The following DOCK1 variants were observed in gnomAD, a reference collection of about 807,000 sequenced individuals.
The protein encoded by DOCK1 is dedicator of cytokinesis 1, also known as dedicator of cytokinesis protein 1.
In DOCK1, 138 loss-of-function variants were observed where a neutral mutation model predicts 262.7. The ratio of observed to expected loss-of-function variants is 0.53; its 90% CI spans 0.46 to 0.61. DOCK1 has a LOEUF of 0.61. DOCK1 is among the 20% of genes least tolerant of loss of function. The pLI is 0.00. For missense variants in DOCK1, 1,908 were observed against 2,370.7 expected, an observed-to-expected ratio of 0.80 and a Z score of 4.05; for synonymous variants, 866 against 867.4, an observed-to-expected ratio of 1.00 and a Z score of 0.03.
rs1424927296 is a variant in DOCK1 at position 126,940,446 on chromosome 10, C to G, written c.47-30256C>G. On this transcript the variant is annotated intron_variant, in intron 1 of 51. Transcript: ENST00000623213. ...TTGTGGAGACAGGGTCTCTGTCACCCAGGCTGGAGTGTAGTGGTATAATCT... is the reference window on the plus strand; with the variant it reads ...TTGTGGAGACAGGGTCTCTGTCACCGAGGCTGGAGTGTAGTGGTATAATCT... 7.2e-5 allele frequency among the ~76,000 whole-genome samples: 11 copies of G among 152,278 alleles called. No homozygotes were observed. The East Asian group carries it at 1.9e-3, about 27-fold the overall frequency.
chr10:127,125,725 C>T (rs887431054), intron 26 of DOCK1, 124 bp downstream of exon 26: 20 of 1,377,932 alleles, frequency 1.5e-5, no homozygotes, highest in Non-Finnish European at 1.9e-5. Context: ...CTCTTTTTGT[C>T]TCGGTAGAGT....
chr10:126,919,399 C>A (rs1467742520), intron 1 of DOCK1, among the ~76,000 whole-genome samples: 1 of 152,124 alleles, frequency 6.6e-6, no homozygotes, highest in African/African-American at 2.4e-5. Context: ...TTTTCAAGTC[C>A]TCCTAACGTC....
At chr10:127,133,566 T>G (rs925415100) in intron 27 of DOCK1, among the ~76,000 whole-genome samples, 2 of 152,202 alleles carry the variant, frequency 1.3e-5, no homozygotes, top group Admixed American at 6.5e-5. Flanking sequence ...TAGGTTTGTT[T>G]TCATATTCCT....
chr10:127,028,076 T>C (rs530894188), intron 16 of DOCK1, among the ~76,000 whole-genome samples: 1 of 50,474 alleles, frequency 2.0e-5, no homozygotes, highest in Non-Finnish European at 3.9e-5. Flanking sequence ...GTGCGGGGGG[T>C]GGGTGGTGGC....
intron 12 of DOCK1, among the ~76,000 whole-genome samples, chr10:127,017,498 GAGACACACAC>G (rs2042077677): frequency 9.0e-6 from 1 of 110,794 alleles, no homozygotes; most frequent in Non-Finnish European, 1.9e-5. Flanking sequence ...CAGATACACA[GAGACACACAC>G]AGACACACAC....
intron 27 of DOCK1, among the ~76,000 whole-genome samples, chr10:127,131,646 T>C (rs1020319971): frequency 6.9e-6 from 1 of 144,008 alleles, no homozygotes. Context: ...TTGCATCAAA[T>C]GTAGATTTGT....
At chr10:127,074,137 T>A (rs1469483402) in intron 23 of DOCK1, among the ~76,000 whole-genome samples, 1 of 152,252 alleles carries the variant, frequency 6.6e-6, no homozygotes, top group East Asian at 1.9e-4. Flanking sequence ...AAAATTTCAT[T>A]AAAATTGTTT....
intron 27 of DOCK1, among the ~76,000 whole-genome samples, chr10:127,237,344 G>T (rs2059109108): frequency 8.2e-6 from 1 of 121,416 alleles, no homozygotes; most frequent in Non-Finnish European, 1.7e-5. Flanking sequence ...TGGGTAACAA[G>T]AGCAAAACTC....
intron 24 of DOCK1, among the ~76,000 whole-genome samples, chr10:127,107,099 G>C (rs1157847741): frequency 1.3e-5 from 2 of 152,150 alleles, no homozygotes; most frequent in East Asian, 1.9e-4. Flanking sequence ...TGGAATTACC[G>C]ACGTGCGCCA....
At chr10:126,946,859 G>A (rs1342716918) in intron 1 of DOCK1, among the ~76,000 whole-genome samples, 2 of 152,206 alleles carry the variant, frequency 1.3e-5, no homozygotes, top group Non-Finnish European at 2.9e-5. Flanking sequence ...TGACTGTTGT[G>A]AACAACTTGT....
chr10:127,218,784 T>C (rs975819056), intron 27 of DOCK1, among the ~76,000 whole-genome samples: 41 of 152,198 alleles, frequency 2.7e-4, no homozygotes, highest in Admixed American at 2.6e-3. Flanking sequence ...ACTGGTCATT[T>C]ATAAAGAACA....
At chr10:127,172,467 T>C (rs1188480379) in intron 27 of DOCK1, among the ~76,000 whole-genome samples, 1 of 152,184 alleles carries the variant, frequency 6.6e-6, no homozygotes, top group Non-Finnish European at 1.5e-5. Flanking sequence ...TTGCATCTTA[T>C]CTGCCTGTCT....
chr10:127,183,071 C>CT (rs3066813), intron 27 of DOCK1, among the ~76,000 whole-genome samples: 11 of 88,624 alleles, frequency 1.2e-4, no homozygotes, highest in African/African-American at 2.1e-4. Context: ...TATGGTGAAT[C>CT]TTTTTTTTTT....
chr10:127,062,009 T>C (rs1174840188), intron 23 of DOCK1, among the ~76,000 whole-genome samples: 3 of 138,706 alleles, frequency 2.2e-5, no homozygotes, highest in Non-Finnish European at 3.0e-5. Context: ...TGATCTCAGC[T>C]CACTGCAACC....
chr10:127,314,034 T>G lies in DOCK1; in HGVS notation c.3045-24972T>G, dbSNP rs188276008. Among the ~76,000 whole-genome samples the G allele has an allele frequency of 2.8e-3, 421 of 152,330 alleles. 5 individuals carry two copies. Among genetic ancestry groups the G allele is most frequent in the African/African-American group, 9.3e-3 (388 of 41,578 alleles). The stretch of plus-strand genomic sequence containing the variant: ...TGCACCCTCTAGAGAAAATGACCTT[T>G]CATGCCCGTGAATAATGAGGCTGGA... On this transcript the variant is annotated intron_variant, in intron 29 of 51. Transcript: ENST00000623213.
intron 51 of DOCK1, among the ~76,000 whole-genome samples, chr10:127,448,215 C>A (rs1467922730): frequency 1.3e-5 from 2 of 152,196 alleles, no homozygotes; most frequent in Admixed American, 1.3e-4. Context: ...GCCTAAGCAA[C>A]CTGCTGGAAC....
intron 1 of DOCK1, among the ~76,000 whole-genome samples, chr10:126,905,846 C>G (rs935861736): frequency 1.3e-5 from 2 of 151,968 alleles, no homozygotes; most frequent in African/African-American, 4.8e-5. Context: ...CCCTCCGACG[C>G]CCGCTCCTCT....
intron 29 of DOCK1, among the ~76,000 whole-genome samples, chr10:127,289,547 A>G (rs1184841254): frequency 1.3e-5 from 2 of 152,208 alleles, no homozygotes; most frequent in African/African-American, 4.8e-5. Flanking sequence ...ATTGAATGCC[A>G]TAAGGTTATT....
intron 29 of DOCK1, chr10:127,257,693 G>T: frequency 3.1e-6 from 1 of 326,552 alleles, no homozygotes; most frequent in Non-Finnish European, 5.8e-6. Context: ...TCCCCTAGCT[G>T]TCATCATGGG....
Sources: gnomAD v4.1 joint callset for allele counts (sites outside exome capture counted in the v4.1 genomes callset) on GRCh38, gnomAD v4.1.1 for gene constraint, MANE v1.5 for transcripts, NCBI Gene and HGNC (gene_info 2026-07-23, HGNC 2026-07-21) for gene names.